Variants in CNBD1 observed in about 807,000 individuals in gnomAD.
The protein encoded by CNBD1 is cyclic nucleotide binding domain containing 1, also known as cyclic nucleotide-binding domain-containing protein 1.
CNBD1 carries 71 observed loss-of-function variants against 54.4 expected under a neutral mutation model. The ratio of observed to expected loss-of-function variants is 1.30; its 90% CI spans 1.08 to 1.59. The LOEUF (loss-of-function observed/expected upper bound fraction) is 1.59. CNBD1 is among the 40% of genes most tolerant of loss of function. CNBD1 has a pLI of 0.00. For missense variants in CNBD1, 659 were observed against 518.0 expected (o/e 1.27, Z -2.64); for synonymous variants, 182 against 170.7 (o/e 1.07, Z -0.51).
intron 4 of CNBD1, among the ~76,000 whole-genome samples, chr8:86,978,648 T>C (rs1808399671): frequency 6.8e-6 from 1 of 147,804 alleles, no homozygotes; most frequent in Non-Finnish European, 1.5e-5. Context: ...GTTCAAGCAA[T>C]TCTCCTGCCT....
At chr8:86,984,431 C>A (rs1330242540) in intron 4 of CNBD1, among the ~76,000 whole-genome samples, 3 of 152,138 alleles carry the variant, frequency 2.0e-5, no homozygotes, top group Non-Finnish European at 2.9e-5. Context: ...GAGAAGAGGG[C>A]CATCATCCTG....
chr8:87,262,593 C>A (rs991550164), intron 6 of CNBD1, among the ~76,000 whole-genome samples: 1 of 152,162 alleles, frequency 6.6e-6, no homozygotes, highest in Non-Finnish European at 1.5e-5. Context: ...ATATCTCCTG[C>A]CCTTCAGACA....
chr8:87,389,666 G>T (rs533704907), intron 2 of CNBD1, among the ~76,000 whole-genome samples: 36 of 152,186 alleles, frequency 2.4e-4, no homozygotes, highest in Non-Finnish European at 3.8e-4. Context: ...CATAAAAATG[G>T]CCATACTGCC....
intron 4 of CNBD1, among the ~76,000 whole-genome samples, chr8:86,977,688 G>A (rs1327611985): frequency 6.6e-6 from 1 of 152,058 alleles, no homozygotes; most frequent in East Asian, 1.9e-4. Context: ...ACTGAATCAT[G>A]AATAAATCAG....
chr8:86,900,732 A>G (rs1420361828), intron 2 of CNBD1, among the ~76,000 whole-genome samples: 1 of 152,214 alleles, frequency 6.6e-6, no homozygotes, highest in Non-Finnish European at 1.5e-5. Flanking sequence ...CTTCAGTTTT[A>G]TATGCAAATC....
intron 3 of CNBD1, among the ~76,000 whole-genome samples, chr8:86,927,796 T>G (rs962949614): frequency 2.6e-5 from 4 of 152,144 alleles, no homozygotes; most frequent in Non-Finnish European, 5.9e-5. Context: ...AGGAAGGGGT[T>G]TTTCCTCAGG....
chr8:87,288,652 G>C (rs1433847074), intron 8 of CNBD1, among the ~76,000 whole-genome samples: 1 of 151,976 alleles, frequency 6.6e-6, no homozygotes, highest in Non-Finnish European at 1.5e-5. Context: ...CTGTTTCCTA[G>C]ACTAATATTG....
chr8:87,269,869 T>G (rs1808329188), intron 6 of CNBD1, among the ~76,000 whole-genome samples: 1 of 152,016 alleles, frequency 6.6e-6, no homozygotes, highest in South Asian at 2.1e-4. Context: ...CTAGTGAAAT[T>G]ATTCCACAAA....
At chr8:86,938,150 T>C (rs1809584424) in intron 3 of CNBD1, among the ~76,000 whole-genome samples, 1 of 152,212 alleles carries the variant, frequency 6.6e-6, no homozygotes, top group Admixed American at 6.5e-5. Flanking sequence ...TGCCAGTCTC[T>C]GCTAAAACAT....
intron 8 of CNBD1, among the ~76,000 whole-genome samples, chr8:87,303,269 G>T (rs1222241785): frequency 6.6e-6 from 1 of 151,714 alleles, no homozygotes; most frequent in Non-Finnish European, 1.5e-5. Context: ...AAACAGCATG[G>T]TACTGGTACC....
chr8:87,185,163 A>C (rs764076572), intron 4 of CNBD1, among the ~76,000 whole-genome samples: 2 of 152,276 alleles, frequency 1.3e-5, no homozygotes, highest in African/African-American at 4.8e-5. Flanking sequence ...TCCACATACA[A>C]TCAAAAAGAA....
intron 4 of CNBD1, among the ~76,000 whole-genome samples, chr8:87,138,792 T>C (rs1812312382): frequency 6.6e-6 from 1 of 152,188 alleles, no homozygotes; most frequent in East Asian, 1.9e-4. Flanking sequence ...GTCTTCACTT[T>C]TGGATTTCCA....
At chr8:87,066,526 A>G (rs1482250274) in intron 4 of CNBD1, among the ~76,000 whole-genome samples, 1 of 151,936 alleles carries the variant, frequency 6.6e-6, no homozygotes, top group Non-Finnish European at 1.5e-5. Flanking sequence ...GGAGATTTGG[A>G]TATTCTAAAA....
intron 5 of CNBD1, among the ~76,000 whole-genome samples, chr8:87,208,016 G>A (rs993592056): frequency 2.2e-4 from 34 of 152,206 alleles, no homozygotes; most frequent in African/African-American, 8.2e-4. Flanking sequence ...GGCCCAACTA[G>A]GTGTCTGTCT....
At chr8:87,392,182 C>T (rs1215296872) in intron 2 of CNBD1, among the ~76,000 whole-genome samples, 2 of 152,082 alleles carry the variant, frequency 1.3e-5, no homozygotes, top group East Asian at 1.9e-4. Flanking sequence ...TGAAAAAATT[C>T]GTGCTCTCAT....
chr8:87,391,576 G>A (rs563110809), intron 2 of CNBD1, among the ~76,000 whole-genome samples: 7 of 152,014 alleles, frequency 4.6e-5, no homozygotes, highest in Non-Finnish European at 1.0e-4. Context: ...TTGACAGGTT[G>A]CTGAGATAAT....
intron 4 of CNBD1, among the ~76,000 whole-genome samples, chr8:87,102,284 G>A (rs969980874): frequency 1.3e-5 from 2 of 152,124 alleles, no homozygotes; most frequent in African/African-American, 4.8e-5. Flanking sequence ...ATGGGTACAG[G>A]AGCAGACATA....
intron 3 of CNBD1, among the ~76,000 whole-genome samples, chr8:86,934,713 T>A (rs1809514131): frequency 6.6e-6 from 1 of 152,226 alleles, no homozygotes; most frequent in Non-Finnish European, 1.5e-5. Flanking sequence ...GGTGTTTTTT[T>A]AGATACCCAT....
chr8:86,956,545 A>G (rs905455348), intron 4 of CNBD1, among the ~76,000 whole-genome samples: 1 of 152,184 alleles, frequency 6.6e-6, no homozygotes, highest in Non-Finnish European at 1.5e-5. Context: ...GATGTCCTTC[A>G]TATCCCTTGT....
Sources: gnomAD v4.1 joint callset for allele counts (sites outside exome capture counted in the v4.1 genomes callset) on GRCh38, gnomAD v4.1.1 for gene constraint, MANE v1.5 for transcripts, NCBI Gene and HGNC (gene_info 2026-07-23, HGNC 2026-07-21) for gene names.